NUP153: variants seen among roughly 807,000 people sequenced by gnomAD.
NUP153 encodes nucleoporin 153.
Under a neutral mutation model 134.6 loss-of-function variants are expected in NUP153, and 27 were observed. The ratio of observed to expected loss-of-function variants is 0.20; its 90% confidence interval spans 0.15 to 0.28. The LOEUF (loss-of-function observed/expected upper bound fraction) is 0.28. NUP153 is among the 10% of genes least tolerant of loss of function. The pLI, the probability that NUP153 is intolerant of heterozygous loss-of-function variation, is 1.00. For missense variants in NUP153, 1,821 were observed against 1,731.3 expected, an observed-to-expected ratio of 1.05 and a Z score of -0.92; for synonymous variants, 640 against 623.5, an observed-to-expected ratio of 1.03 and a Z score of -0.40.
rs529780530 is a variant in NUP153, at chr6:17,618,862, A to G, written c.4175-2167T>C. On this transcript the variant is annotated intron_variant, in intron 20 of 21. Transcript: ENST00000262077. The stretch of plus-strand genomic sequence containing the variant: ...ATTACAGGCGTGAGCCACTGCGCCC[A>G]GCAGAAGTTAAAATCTCAACAGAAT... Among the ~76,000 whole-genome samples the G allele has an allele frequency of 2.2e-4, 33 of 152,284 alleles. No homozygotes were observed. In the East Asian group the frequency reaches 2.3e-3, roughly 11 times the overall value.
At chr6:17,643,645 A>G (rs1279914511) in intron 14 of NUP153, among the ~76,000 whole-genome samples, 2 of 152,238 alleles carry the variant, frequency 1.3e-5, no homozygotes, top group Admixed American at 6.5e-5. Flanking sequence ...AAAGGAGACA[A>G]TGGAAAACTT....
intron 20 of NUP153, among the ~76,000 whole-genome samples, chr6:17,617,518 C>T (rs1291895857): frequency 6.7e-6 from 1 of 149,510 alleles, no homozygotes; most frequent in Non-Finnish European, 1.5e-5. Flanking sequence ...AGCAGATACC[C>T]AGAATCAATC....
At chr6:17,646,005 T>C (rs1224536414) in intron 14 of NUP153, 62 bp downstream of exon 14, 10 of 639,534 alleles carry the variant, frequency 1.6e-5, no homozygotes, top group South Asian at 1.3e-4. Flanking sequence ...TGAAAGAAGC[T>C]GAAATACTAA....
At chr6:17,697,403 G>A (rs1769723977) in intron 1 of NUP153, among the ~76,000 whole-genome samples, 1 of 152,082 alleles carries the variant, frequency 6.6e-6, no homozygotes, top group East Asian at 1.9e-4. Context: ...AAGGATTAAT[G>A]AGCTGGGCGC....
At chr6:17,668,525 G>A (rs915060928) in intron 8 of NUP153, among the ~76,000 whole-genome samples, 1 of 152,100 alleles carries the variant, frequency 6.6e-6, no homozygotes, top group South Asian at 2.1e-4. Flanking sequence ...CTGCAGAAGA[G>A]AGTAAAATGT....
chr6:17,670,459 T>C (rs1323517746), intron 5 of NUP153, among the ~76,000 whole-genome samples: 2 of 152,220 alleles, frequency 1.3e-5, no homozygotes, highest in Admixed American at 1.3e-4. Flanking sequence ...TTTTTCTACG[T>C]AGATAAGCAT....
At chr6:17,661,863 A>C in intron 10 of NUP153, 84 bp from the exon 11 acceptor site, 1 of 1,338,168 alleles carries the variant, frequency 7.5e-7, no homozygotes, top group Non-Finnish European at 1.0e-6. Flanking sequence ...CAAGTAAAAA[A>C]AAAATATACA....
chr6:17,688,472 C>T lies in NUP153; in HGVS notation c.258G>A (p.Leu86=), dbSNP rs748904489. The T allele has an allele frequency of 1.5e-5, 25 of 1,614,108 alleles. No individual in the cohort carries two copies. The South Asian group carries it at 2.3e-4, about 15-fold the overall frequency. ...TAGAGCTCTCCTCATCGGCATATAC[C>T]AGATGGTCCTCTTTATTTTCTGGCC... The part of the protein sequence containing the change: ...PRWPENKEDH[L]VYADEESSNI... The change falls in exon 2 of 22, where the codon CTG becomes CTA. Residue 86 remains leucine (L), a synonymous_variant. Coordinates refer to ENST00000262077, the MANE Select transcript of NUP153 (RefSeq NM_005124.4).
At chr6:17,702,630 T>G (rs1255798672) in intron 1 of NUP153, among the ~76,000 whole-genome samples, 1 of 151,190 alleles carries the variant, frequency 6.6e-6, no homozygotes, top group African/African-American at 2.4e-5. Context: ...GAGCCGAGAT[T>G]GCACCATTGC....
Position 17,688,498 on chromosome 6 carries a change from A to G in NUP153, c.232T>C (p.Trp78Arg). The G allele has an allele frequency of 1.2e-6, 2 of 1,614,106 alleles. No homozygotes were observed. The highest frequency in any genetic ancestry group is 1.7e-6 in the Non-Finnish European group (2 of 1,180,016). The change falls in exon 2 of 22, where the codon TGG becomes CGG. Residue 78 changes from tryptophan to arginine, a missense_variant. Trp to Arg is a moderately radical substitution (Grantham distance 101). Coordinates refer to ENST00000262077, the MANE Select transcript of NUP153 (RefSeq NM_005124.4). ...AGATGGTCCTCTTTATTTTCTGGCCAGCGTGGAACCTCGCTTGTGTCTGTT... is the reference window on the plus strand; with the variant it reads ...AGATGGTCCTCTTTATTTTCTGGCCGGCGTGGAACCTCGCTTGTGTCTGTT... ...CSTDTSEVPRWPENKEDHLVY... is the reference protein window; with the variant it reads ...CSTDTSEVPRRPENKEDHLVY...
At chr6:17,622,946 C>T (rs1465649884) in intron 20 of NUP153, among the ~76,000 whole-genome samples, 14 of 151,844 alleles carry the variant, frequency 9.2e-5, no homozygotes, top group Admixed American at 1.3e-4. Context: ...CTGGCTAACA[C>T]GGTGAAACCC....
intron 1 of NUP153, among the ~76,000 whole-genome samples, chr6:17,701,023 C>G (rs755239745): frequency 6.6e-6 from 1 of 151,970 alleles, no homozygotes; most frequent in Non-Finnish European, 1.5e-5. Flanking sequence ...GTCGGGAGTT[C>G]GAGACCAGCC....
chr6:17,659,392 T>C (rs1192780703), intron 11 of NUP153, among the ~76,000 whole-genome samples: 1 of 152,260 alleles, frequency 6.6e-6, no homozygotes, highest in Non-Finnish European at 1.5e-5. Context: ...TTAAAATTCA[T>C]GGTCCAAAAC....
intron 11 of NUP153, among the ~76,000 whole-genome samples, chr6:17,653,727 G>C (rs1259428826): frequency 6.6e-6 from 1 of 152,132 alleles, no homozygotes; most frequent in South Asian, 2.1e-4. Flanking sequence ...TTGCCTCTGG[G>C]GTAGGAGGTG....
At chr6:17,687,133 A>AGG (rs1408837410) in intron 2 of NUP153, among the ~76,000 whole-genome samples, 1 of 152,202 alleles carries the variant, frequency 6.6e-6, no homozygotes, top group East Asian at 1.9e-4. Context: ...TAAACTGTAC[A>AGG]GAGAATAAGA....
chr6:17,638,881 G>T lies in NUP153; in HGVS notation c.1846+1058C>A, dbSNP rs1023405424. Among the ~76,000 whole-genome samples, 1 of 152,134 alleles carries T rather than the reference G, an allele frequency of 6.6e-6. No homozygotes were observed. Among genetic ancestry groups the T allele is most frequent in the Non-Finnish European group, 1.5e-5 (1 of 68,034 alleles). ...CTGTCCAAGCTACTGGACTCCTGTA[G>T]GCAGTATACTTATCTATAAAATGAG... On this transcript the variant is annotated intron_variant, in intron 15 of 21. Coordinates refer to ENST00000262077, the MANE Select transcript of NUP153 (RefSeq NM_005124.4). The surrounding 1 kb of genome is among the most constrained non-coding windows in gnomAD (Gnocchi z 4.0).
In NUP153 at chr6:17,646,084, G is replaced by C; in HGVS notation, c.1703C>G (p.Pro568Arg). Residue 568 changes from proline to arginine, a missense_variant, in exon 14 of 22, where the codon CCA becomes CGA. Pro to Arg is a moderately radical substitution (Grantham distance 103). Coordinates refer to ENST00000262077, the MANE Select transcript of NUP153 (RefSeq NM_005124.4). ...ELSGSSSTLEPIISSSAHHVT... is the reference protein window; with the variant it reads ...ELSGSSSTLERIISSSAHHVT... ...TTACTTACCTGAACTACTTATAATT[G>C]GTTCTAAAGTACTACTAGAACCAGA... 6.4e-7 allele frequency: 1 copy of C among 1,563,486 alleles called. No individual in the cohort carries two copies. The highest frequency in any genetic ancestry group is 1.1e-5 in the South Asian group (1 of 89,196).
intron 14 of NUP153, among the ~76,000 whole-genome samples, chr6:17,641,572 G>C (rs530689296): frequency 4.0e-5 from 6 of 151,378 alleles, no homozygotes; most frequent in Admixed American, 6.6e-5. Context: ...AAACAAAAAG[G>C]CCAGGCAGCG....
intron 1 of NUP153, among the ~76,000 whole-genome samples, chr6:17,696,662 G>A (rs1199770010): frequency 6.6e-6 from 1 of 152,158 alleles, no homozygotes; most frequent in Non-Finnish European, 1.5e-5. Context: ...GGCTGAGGCA[G>A]GAGAATGGCG....
Sources: gnomAD v4.1 joint callset for allele counts (sites outside exome capture counted in the v4.1 genomes callset) on GRCh38, gnomAD v4.1.1 for gene constraint, Gnocchi (gnomAD v3.1) non-coding constraint, MANE v1.5 for transcripts, NCBI Gene and HGNC (gene_info 2026-07-23, HGNC 2026-07-21) for gene names.